SP4: variants seen among roughly 807,000 people sequenced by gnomAD.
SP4 encodes Sp4 transcription factor, also known as transcription factor Sp4.
SP4 carries 19 observed loss-of-function variants against 72.8 expected under a neutral mutation model. The observed-to-expected ratio is 0.26, with a 90% CI of 0.18 to 0.38. The LOEUF is 0.38. Ranked by LOEUF, SP4 falls within the 10% of genes least tolerant of loss-of-function variation. SP4 has a pLI of 1.00. For synonymous variants in SP4, 395 were observed against 333.1 expected (o/e 1.19, Z -2.02); for missense variants, 1,008 against 926.3 (o/e 1.09, Z -1.14).
At chr7:21,497,151 A>G (rs1781729829) in intron 5 of SP4, among the ~76,000 whole-genome samples, 2 of 152,334 alleles carry the variant, frequency 1.3e-5, no homozygotes, top group South Asian at 2.1e-4. Context: ...CCTGCCTTAC[A>G]TCTGGGAGAA....
intron 5 of SP4, among the ~76,000 whole-genome samples, chr7:21,509,144 A>G (rs569721908): frequency 6.6e-6 from 1 of 152,242 alleles, no homozygotes; most frequent in African/African-American, 2.4e-5. Context: ...GATATATATA[A>G]TAGCATTCTT....
rs1418455969 is a variant in SP4 at position 21,512,016 on chromosome 7, CTCA to C, written c.*752_*754del. On this transcript the variant is annotated 3_prime_UTR_variant, in exon 6 of 6. Coordinates refer to ENST00000222584, the MANE Select transcript of SP4 (RefSeq NM_003112.5). ...TGGGAAAAAAATGGTTAAAACAAAA[CTCA>C]TCATAGCTTCAGAAAAATAAAATGA... 6.6e-6 allele frequency: 1 copy of C among 152,518 alleles called. No homozygotes were observed. Among genetic ancestry groups the C allele is most frequent in the Non-Finnish European group, 1.5e-5 (1 of 67,996 alleles). 9.4% of individuals were successfully genotyped at this position (152,518 alleles called of 1,614,324 possible). A position where few individuals can be genotyped will look rare whatever the true frequency, so the allele number is the denominator to read the frequency against.
At chr7:21,438,640 T>C (rs938372656) in intron 3 of SP4, among the ~76,000 whole-genome samples, 5 of 152,198 alleles carry the variant, frequency 3.3e-5, no homozygotes, top group African/African-American at 7.2e-5. Context: ...TCTCCTCTTA[T>C]CTGTGGGTTC....
intron 5 of SP4, among the ~76,000 whole-genome samples, chr7:21,493,130 G>A (rs1261521410): frequency 6.6e-6 from 1 of 151,952 alleles, no homozygotes; most frequent in East Asian, 1.9e-4. Context: ...AACCCTGGAG[G>A]TGGAGGTTGC....
At chr7:21,449,178 T>C (rs1052922168) in intron 3 of SP4, among the ~76,000 whole-genome samples, 11 of 152,202 alleles carry the variant, frequency 7.2e-5, no homozygotes, top group African/African-American at 2.7e-4. Flanking sequence ...TCTAAAGTTA[T>C]TCAAACTAGC....
At chr7:21,438,275 A>G (rs923420774) in intron 3 of SP4, among the ~76,000 whole-genome samples, 1 of 152,168 alleles carries the variant, frequency 6.6e-6, no homozygotes, top group African/African-American at 2.4e-5. Flanking sequence ...ATTAGAATAT[A>G]TATTTTATTT....
At chr7:21,447,465 T>C (rs1783464162) in intron 3 of SP4, among the ~76,000 whole-genome samples, 1 of 152,186 alleles carries the variant, frequency 6.6e-6, no homozygotes, top group African/African-American at 2.4e-5. Context: ...GATGGATCTT[T>C]GTATTTCAGT....
At chr7:21,485,984 G>A (rs553682146) in intron 5 of SP4, among the ~76,000 whole-genome samples, 112 of 151,990 alleles carry the variant, frequency 7.4e-4, no homozygotes, top group African/African-American at 2.6e-3. Flanking sequence ...GCTGGAAAAC[G>A]TGCTGAAATG....
chr7:21,482,685 G>A lies in SP4; in HGVS notation c.2107+562G>A, dbSNP rs77950418. ...ACTGCAGCTGCTATAAATCTAATGT[G>A]TCTAAGTTTTACGTACACTTTTAAT... On this transcript the variant is annotated intron_variant, in intron 5 of 5. Coordinates refer to ENST00000222584, the MANE Select transcript of SP4 (RefSeq NM_003112.5). 2,380 of 983,080 alleles carry A rather than the reference G, an allele frequency of 2.4e-3. 42 individuals are homozygous for A. The African/African-American group carries it at 0.038, about 16-fold the overall frequency. The allele number at this position is 983,080 out of a possible 1,614,324, so 60.9% of individuals were successfully genotyped here. A position where few individuals can be genotyped will look rare whatever the true frequency, so the allele number is the denominator to read the frequency against.
chr7:21,472,270 TTTGA>T (rs1240512791), intron 3 of SP4, among the ~76,000 whole-genome samples: 22 of 132,722 alleles, frequency 1.7e-4, no homozygotes, highest in Admixed American at 3.7e-4. Flanking sequence ...GTGTATTTTG[TTTGA>T]TTGTTTGTTT....
Position 21,429,340 on chromosome 7 carries a change from G to A in SP4, c.175G>A (p.Gly59Arg). 6.2e-7 allele frequency: 1 copy of A among 1,613,494 alleles called. No individual in the cohort carries two copies. The highest frequency in any genetic ancestry group is 8.5e-7 in the Non-Finnish European group (1 of 1,179,920). Residue 59 changes from glycine (G) to arginine (R), a missense_variant, in exon 3 of 6, where the codon GGG becomes AGG. By Grantham distance (125) the Gly-to-Arg change is moderately radical (BLOSUM62 -2). Transcript: ENST00000222584. ...ACTGGCAGCTACTTGCAGCAAAATA[G>A]GGACTCCTGGTGAAAATCAAGCAAC... ...ALLAATCSKI[G>R]TPGENQATGQ...
intron 3 of SP4, among the ~76,000 whole-genome samples, chr7:21,466,489 G>C (rs1351744861): frequency 1.3e-5 from 2 of 152,158 alleles, no homozygotes; most frequent in Non-Finnish European, 2.9e-5. Flanking sequence ...ACTGCAGGGA[G>C]AATCAGAACT....
In SP4 at chr7:21,503,043, G is replaced by A. The variant is rs145910046; in HGVS notation, c.2108-7979G>A. On this transcript the variant is annotated intron_variant, in intron 5 of 5. Transcript: ENST00000222584. The stretch of plus-strand genomic sequence containing the variant: ...TATAGTGAGTCCACCTCATGCAGCT[G>A]TTCGCATGGCTGTCTCAGTGGTCAG... 1.4e-4 allele frequency among the ~76,000 whole-genome samples: 21 copies of A among 152,078 alleles called. No homozygotes were observed. The East Asian group carries it at 2.7e-3, about 20-fold the overall frequency.
chr7:21,429,998 G>A lies in SP4; in HGVS notation c.833G>A (p.Gly278Glu). The stretch of plus-strand genomic sequence containing the variant: ...GTGATAAACAACGTGGCTGCCGGAG[G>A]AGGGACTGGGCAGGTTGGCCAGCCT... ...LPVINNVAAG[G>E]GTGQVGQPAA... The change falls in exon 3 of 6, where the codon GGA (glycine) becomes GAA (glutamate). Residue 278 changes from glycine to glutamate, a missense_variant. Physicochemically the swap from Gly to Glu is moderately conservative, Grantham distance 98 (BLOSUM62 -2). This residue lies in a region of SP4 where 893 missense variants were observed against 743.3 expected (regional missense o/e 1.20). Coordinates refer to ENST00000222584, the MANE Select transcript of SP4 (RefSeq NM_003112.5). The A allele has an allele frequency of 6.2e-7, 1 of 1,614,200 alleles. No homozygotes were observed. The highest frequency in any genetic ancestry group is 8.5e-7 in the Non-Finnish European group (1 of 1,180,042).
At chr7:21,485,042 G>A (rs1438862763) in intron 5 of SP4, among the ~76,000 whole-genome samples, 1 of 151,596 alleles carries the variant, frequency 6.6e-6, no homozygotes, top group Non-Finnish European at 1.5e-5. Flanking sequence ...AATTAAAACA[G>A]GTTGACACTA....
intron 3 of SP4, among the ~76,000 whole-genome samples, chr7:21,431,399 G>A (rs1443265423): frequency 6.6e-6 from 1 of 152,108 alleles, no homozygotes; most frequent in Non-Finnish European, 1.5e-5. Context: ...ATTTTAAGTT[G>A]TAAATTGTTT....
intron 3 of SP4, among the ~76,000 whole-genome samples, chr7:21,432,981 G>C (rs932953635): frequency 2.6e-5 from 4 of 152,136 alleles, no homozygotes; most frequent in Non-Finnish European, 4.4e-5. Flanking sequence ...GTGACAGAGC[G>C]AGACCCTCTC....
intron 3 of SP4, among the ~76,000 whole-genome samples, chr7:21,440,491 G>C (rs986149778): frequency 4.6e-5 from 7 of 152,122 alleles, no homozygotes; most frequent in African/African-American, 1.7e-4. Flanking sequence ...ATTTCAGAAA[G>C]CTTTGGTAAA....
At chr7:21,501,570 T>G (rs1409334268) in intron 5 of SP4, among the ~76,000 whole-genome samples, 1 of 152,234 alleles carries the variant, frequency 6.6e-6, no homozygotes, top group African/African-American at 2.4e-5. Flanking sequence ...AAAATCCCAC[T>G]GCTGTTAAGA....
Sources: gnomAD v4.1 joint callset for allele counts (sites outside exome capture counted in the v4.1 genomes callset) on GRCh38, gnomAD v4.1.1 for gene constraint, gnomAD v4.1.1 regional missense constraint, MANE v1.5 for transcripts, NCBI Gene and HGNC (gene_info 2026-07-23, HGNC 2026-07-21) for gene names.